Variants in LY9 observed in about 807,000 individuals in gnomAD.
LY9 encodes the protein lymphocyte antigen 9, also known as T-lymphocyte surface antigen Ly-9.
A neutral mutation model predicts 64.6 loss-of-function variants in LY9; 59 were observed. The ratio of observed to expected loss-of-function variants is 0.91; its 90% CI spans 0.74 to 1.13. The LOEUF (loss-of-function observed/expected upper bound fraction) is 1.13. Ranked by LOEUF, LY9 falls within the 50% of genes most tolerant of loss-of-function variation. The probability of loss-of-function intolerance (pLI) is 0.00; values close to 1 mark genes in which losing one functional copy is unlikely to be tolerated. For missense variants in LY9, 789 were observed against 797.2 expected (o/e 0.99, Z 0.12); for synonymous variants, 281 against 308.5 (o/e 0.91, Z 0.93).
At chr1:160,814,805 A>T (rs756520149) in intron 4 of LY9, 44 bp downstream of exon 4, 1 of 1,522,898 alleles carries the variant, frequency 6.6e-7, no homozygotes, top group East Asian at 2.4e-5. Flanking sequence ...TCCTTCTCTG[A>T]AAGCTTTCTC....
rs1668958193 is a variant in LY9, at chr1:160,828,126, G to A, written c.*310G>A. 2 of 194,466 alleles carry A rather than the reference G, an allele frequency of 1.0e-5. No homozygotes were observed. The highest frequency in any genetic ancestry group is 6.1e-5 in the Admixed American group (1 of 16,418). The allele number at this position is 194,466 out of a possible 1,614,324, so 12.0% of individuals were successfully genotyped here. A position where few individuals can be genotyped will look rare whatever the true frequency, so the allele number is the denominator to read the frequency against. Reference sequence around the variant, plus strand: ...TGGTCAAATGTTGCTGAGGGGCCTGGACCAGCTGTCCTTTACACCACCTTC... The same window carrying A: ...TGGTCAAATGTTGCTGAGGGGCCTGAACCAGCTGTCCTTTACACCACCTTC... On this transcript the variant is annotated 3_prime_UTR_variant, in exon 10 of 10. Coordinates refer to ENST00000263285, the MANE Select transcript of LY9 (RefSeq NM_002348.4).
At chr1:160,806,274 G>A (rs189860984) in intron 2 of LY9, among the ~76,000 whole-genome samples, 2 of 152,156 alleles carry the variant, frequency 1.3e-5, no homozygotes, top group African/African-American at 4.8e-5. Flanking sequence ...TTGTCACTGT[G>A]GTTTGGTGGG....
intron 2 of LY9, chr1:160,810,207 T>C (rs1311499633): frequency 6.6e-6 from 1 of 152,272 alleles, no homozygotes; most frequent in Non-Finnish European, 1.5e-5. Flanking sequence ...TAGCCATTTG[T>C]ATTCTCTTTT....
At chr1:160,822,037 G>T (rs1481071755) in intron 7 of LY9, among the ~76,000 whole-genome samples, 1 of 152,156 alleles carries the variant, frequency 6.6e-6, no homozygotes, top group East Asian at 1.9e-4. Context: ...TTAGAACTGT[G>T]CCTCGCACAC....
At chr1:160,806,051 T>G (rs992091555) in intron 2 of LY9, among the ~76,000 whole-genome samples, 1 of 151,948 alleles carries the variant, frequency 6.6e-6, no homozygotes, top group African/African-American at 2.4e-5. Context: ...TTACTTGTAG[T>G]CTATATATCT....
chr1:160,821,603 T>A (rs1243881020), intron 7 of LY9, among the ~76,000 whole-genome samples: 1 of 152,224 alleles, frequency 6.6e-6, no homozygotes, highest in Non-Finnish European at 1.5e-5. Context: ...CAAGCTCAAC[T>A]CTGACTTCTC....
At chr1:160,824,377 C>A (rs779972362) in intron 9 of LY9, 128 bp downstream of exon 9, 11 of 1,469,534 alleles carry the variant, frequency 7.5e-6, no homozygotes, top group Non-Finnish European at 9.0e-6. Context: ...ATGCACCCCT[C>A]AGATACATTC....
intron 1 of LY9, among the ~76,000 whole-genome samples, chr1:160,797,675 CAA>C (rs1420639889): frequency 8.5e-5 from 13 of 152,268 alleles, no homozygotes; most frequent in Non-Finnish European, 1.5e-5. Context: ...TTTGTATCTC[CAA>C]AGAGTCATTT....
chr1:160,803,511 C>T (rs950857086), intron 2 of LY9, among the ~76,000 whole-genome samples: 1 of 152,034 alleles, frequency 6.6e-6, no homozygotes. Context: ...CTTTCACCTC[C>T]TTGGTTATAC....
At chr1:160,800,180 A>G in intron 2 of LY9, 98 bp downstream of exon 2, 1 of 861,388 alleles carries the variant, frequency 1.2e-6, no homozygotes, top group Non-Finnish European at 1.8e-6. Context: ...TATATAGTGC[A>G]TACTGATCAA....
Position 160,824,717 on chromosome 1 carries a change from T to C in LY9, c.1899+468T>C, listed in dbSNP as rs1026610260. ...AATCCCAGCCGGGCGCGGTGGCTCA[T>C]ACCTGTAATCCCAGCACTTTGGGAG... On this transcript the variant is annotated intron_variant, in intron 9 of 9. Coordinates refer to ENST00000263285, the MANE Select transcript of LY9 (RefSeq NM_002348.4). The C allele has an allele frequency of 5.2e-5, 48 of 931,208 alleles. No individual in the cohort carries two copies. The South Asian group carries it at 8.6e-4, about 17-fold the overall frequency. 57.7% of individuals were successfully genotyped at this position (931,208 alleles called of 1,614,324 possible).
chr1:160,820,817 C>T (rs1363612319), intron 7 of LY9, among the ~76,000 whole-genome samples: 1 of 151,360 alleles, frequency 6.6e-6, no homozygotes, highest in Non-Finnish European at 1.5e-5. Flanking sequence ...TTCATGTTGT[C>T]ACCAATTTGT....
Position 160,814,563 on chromosome 1 carries a change from G to A in LY9, c.874G>A (p.Glu292Lys). The A allele has an allele frequency of 6.2e-7, 1 of 1,614,188 alleles. No homozygotes were observed. The highest frequency in any genetic ancestry group is 8.5e-7 in the Non-Finnish European group (1 of 1,180,034). ...WLFNTSIISK[E>K]REEAATADPL... is the part of the protein sequence containing the mutation. Reference sequence around the variant, plus strand: ...GTTTAACACATCCATCATTAGCAAAGAGAGGGAAGAAGCAGCAACGGCAGA... The same window carrying A: ...GTTTAACACATCCATCATTAGCAAAAAGAGGGAAGAAGCAGCAACGGCAGA... Residue 292 changes from glutamate (E) to lysine (K), a missense_variant, in exon 4 of 10, where the codon GAG becomes AAG. Glu to Lys is a moderately conservative substitution (Grantham distance 56). Transcript: ENST00000263285.
intron 9 of LY9, 62 bp downstream of exon 9, chr1:160,824,311 C>T (rs925859959): frequency 1.3e-6 from 2 of 1,596,170 alleles, no homozygotes; most frequent in Middle Eastern, 1.7e-4. Context: ...TTCCTTAGAC[C>T]CTTTGAACTG....
At chr1:160,820,723 C>T (rs1178764493) in intron 7 of LY9, among the ~76,000 whole-genome samples, 3 of 152,180 alleles carry the variant, frequency 2.0e-5, no homozygotes, top group African/African-American at 7.2e-5. Flanking sequence ...TTCTCTCCCC[C>T]AGAACCCTTC....
chr1:160,825,691 C>T (rs972448684), intron 9 of LY9, among the ~76,000 whole-genome samples: 1 of 152,136 alleles, frequency 6.6e-6, no homozygotes, highest in African/African-American at 2.4e-5. Context: ...AGGTGGATCA[C>T]CTGAGGTCAG....
Position 160,807,376 on chromosome 1 carries a change from T to C in LY9, c.455-6260T>C, listed in dbSNP as rs187831750. On this transcript the variant is annotated intron_variant, in intron 2 of 9. Coordinates refer to ENST00000263285, the MANE Select transcript of LY9 (RefSeq NM_002348.4). ...GATTTCCTCAGTAGGTCAGAGTGTG[T>C]TTATTAGCAGAGGCTGTGGTGAAGT... 4.1e-4 allele frequency among the ~76,000 whole-genome samples: 62 copies of C among 152,256 alleles called. 1 individual carries two copies. Among genetic ancestry groups the C allele is most frequent in the African/African-American group, 1.4e-3 (57 of 41,542 alleles).
Position 160,814,566 on chromosome 1 carries a change from A to G in LY9, c.877A>G (p.Arg293Gly), listed in dbSNP as rs751324638. ...TAACACATCCATCATTAGCAAAGAG[A>G]GGGAAGAAGCAGCAACGGCAGATCC... ...LFNTSIISKE[R>G]EEAATADPLI... The change falls in exon 4 of 10, where the codon AGG (arginine) becomes GGG (glycine). Residue 293 changes from arginine to glycine, a missense_variant. Physicochemically the swap from Arg to Gly is moderately radical, Grantham distance 125. Coordinates refer to ENST00000263285, the MANE Select transcript of LY9 (RefSeq NM_002348.4). 3.4e-5 allele frequency: 55 copies of G among 1,613,966 alleles called. No individual in the cohort carries two copies. Among genetic ancestry groups the G allele is most frequent in the Non-Finnish European group, 4.6e-5 (54 of 1,180,028 alleles).
chr1:160,796,285 A>G lies in LY9; in HGVS notation c.98A>G (p.Gln33Arg). The G allele has an allele frequency of 6.2e-7, 1 of 1,613,610 alleles. No individual in the cohort carries two copies. Among genetic ancestry groups the G allele is most frequent in the African/African-American group, 1.3e-5 (1 of 75,030 alleles). The stretch of plus-strand genomic sequence containing the variant: ...CTGCAAATATTCTCTTCTGTTCTAC[A>G]GACCTCTCTCCTCTTCCTGCTCATG... ...SQLQIFSSVLQTSLLFLLMGL... is the reference protein window; with the variant it reads ...SQLQIFSSVLRTSLLFLLMGL... Residue 33 changes from glutamine (Q) to arginine (R), a missense_variant, in exon 1 of 10, where the codon CAG becomes CGG. Physicochemically the swap from Gln to Arg is conservative, Grantham distance 43. Coordinates refer to ENST00000263285, the MANE Select transcript of LY9 (RefSeq NM_002348.4).
Sources: allele counts gnomAD v4.1 joint callset (sites outside exome capture counted in the v4.1 genomes callset), GRCh38; gene constraint gnomAD v4.1.1; transcripts MANE v1.5; gene names NCBI Gene and HGNC (gene_info 2026-07-23, HGNC 2026-07-21).